CTIF: variants seen among roughly 807,000 people sequenced by gnomAD.
CTIF encodes the protein cap binding complex dependent translation initiation factor.
CTIF carries 21 observed loss-of-function variants against 66.0 expected under a neutral mutation model. The observed-to-expected ratio is 0.32, with a 90% CI of 0.23 to 0.46. The LOEUF is 0.46. CTIF is among the 20% of genes least tolerant of loss of function. CTIF has a pLI of 1.00. For synonymous variants in CTIF, 345 were observed against 326.4 expected (o/e 1.06, Z -0.62); for missense variants, 739 against 812.7 (o/e 0.91, Z 1.10).
At position 48,770,323 on chromosome 18, in the gene CTIF, TGCCACTGCGCCACTGC is replaced by T. The variant is rs531665209; in HGVS notation, c.1371+8641_1371+8656del. 8.9e-4 allele frequency among the ~76,000 whole-genome samples: 136 copies of T among 152,252 alleles called. No individual in the cohort carries two copies. The South Asian group carries it at 9.5e-3, about 11-fold the overall frequency. ...CTGCCTCTTTGCCACTGCGCCACTG[TGCCACTGCGCCACTGC>T]GCCACTACTGTGTTCTTCAAAATCA... is the stretch of plus-strand genomic sequence containing the variant. On this transcript the variant is annotated intron_variant, in intron 9 of 11. Transcript: ENST00000256413.
chr18:48,783,675 C>T (rs1379962258), intron 9 of CTIF, among the ~76,000 whole-genome samples: 2 of 152,166 alleles, frequency 1.3e-5, no homozygotes, highest in Admixed American at 6.5e-5. Context: ...GGGATTTCCA[C>T]CCCACCCCAC....
chr18:48,590,120 G>A lies in CTIF; in HGVS notation c.-28-29418G>A, dbSNP rs143634469. Among the ~76,000 whole-genome samples, 502 of 152,342 alleles carry A rather than the reference G, an allele frequency of 3.3e-3. 1 individual carries two copies. Among genetic ancestry groups the A allele is most frequent in the Non-Finnish European group, 3.2e-3 (217 of 68,036 alleles). On this transcript the variant is annotated intron_variant, in intron 1 of 11. Coordinates refer to ENST00000256413, the MANE Select transcript of CTIF (RefSeq NM_014772.3). ...TTGTGGATCAGCATTTCAGGGGTGC[G>A]GGGGCGTGGTGGTATGCGAGTCCAT...
chr18:48,838,405 G>A (rs1030069677), intron 10 of CTIF, among the ~76,000 whole-genome samples: 3 of 152,062 alleles, frequency 2.0e-5, no homozygotes, highest in African/African-American at 7.2e-5. Context: ...GCCTCTCGGT[G>A]CAGTGGCCGC....
At chr18:48,549,463 G>A (rs1048321597) in intron 1 of CTIF, among the ~76,000 whole-genome samples, 2 of 152,196 alleles carry the variant, frequency 1.3e-5, no homozygotes, top group African/African-American at 4.8e-5. Flanking sequence ...TCTAAAGGTA[G>A]GAGCTCTAGG....
intron 1 of CTIF, among the ~76,000 whole-genome samples, chr18:48,595,794 G>A (rs1019128063): frequency 2.6e-5 from 4 of 152,226 alleles, no homozygotes; most frequent in South Asian, 4.2e-4. Context: ...GGATCTCTCC[G>A]AGGCTGCAAT....
In CTIF at chr18:48,860,678, G is replaced by C. The variant is rs900425949; in HGVS notation, c.*1119G>C. The C allele has an allele frequency of 6.6e-6, 1 of 152,276 alleles. No individual in the cohort carries two copies. Among genetic ancestry groups the C allele is most frequent in the East Asian group, 1.9e-4 (1 of 5,202 alleles). The allele number at this position is 152,276 out of a possible 1,614,324, so 9.4% of individuals were successfully genotyped here. ...TCTTACTGGGGAAAAGGATGGGAGT[G>C]GGGGCTCCCCAGGACTCGATTTTAG... On this transcript the variant is annotated 3_prime_UTR_variant, in exon 12 of 12. Coordinates refer to ENST00000256413, the MANE Select transcript of CTIF (RefSeq NM_014772.3).
chr18:48,668,982 G>A (rs771238832), intron 5 of CTIF, among the ~76,000 whole-genome samples: 10 of 152,158 alleles, frequency 6.6e-5, no homozygotes, highest in Non-Finnish European at 1.0e-4. Context: ...TGGGGCTTGG[G>A]TTAGCCCCCT....
chr18:48,804,239 CTT>C (rs2068099757), intron 9 of CTIF, among the ~76,000 whole-genome samples: 1 of 152,228 alleles, frequency 6.6e-6, no homozygotes, highest in South Asian at 2.1e-4. Context: ...CTCAAGCAAA[CTT>C]GTCCCAGGGC....
At position 48,861,916 on chromosome 18, in the gene CTIF, C is replaced by T. The variant is rs2069478469; in HGVS notation, c.*2357C>T. 1 of 152,162 alleles carries T rather than the reference C, an allele frequency of 6.6e-6. No homozygotes were observed. The allele number at this position is 152,162 out of a possible 1,614,324, so 9.4% of individuals were successfully genotyped here. ...ATTACATGTCGTGTCACGGTGGCTC[C>T]AGACATACTGTTTGCCTAGTTTATT... On this transcript the variant is annotated 3_prime_UTR_variant, in exon 12 of 12. Coordinates refer to ENST00000256413, the MANE Select transcript of CTIF (RefSeq NM_014772.3).
intron 7 of CTIF, among the ~76,000 whole-genome samples, chr18:48,736,131 C>A (rs1385200884): frequency 1.3e-5 from 2 of 152,218 alleles, no homozygotes; most frequent in African/African-American, 4.8e-5. Context: ...CCTCTTCTTT[C>A]TTCCAAGATA....
chr18:48,785,295 G>A (rs2146088724), intron 9 of CTIF, among the ~76,000 whole-genome samples: 1 of 152,334 alleles, frequency 6.6e-6, no homozygotes, highest in Non-Finnish European at 1.5e-5. Flanking sequence ...AGCTGTGGTT[G>A]CTCTAAGTGG....
intron 1 of CTIF, among the ~76,000 whole-genome samples, chr18:48,573,969 G>A (rs774451068): frequency 3.9e-5 from 6 of 152,234 alleles, no homozygotes; most frequent in Non-Finnish European, 8.8e-5. Context: ...CGCATCCCCA[G>A]CAGTGCTTGG....
At chr18:48,754,862 T>A (rs868667766) in intron 7 of CTIF, among the ~76,000 whole-genome samples, 3 of 152,326 alleles carry the variant, frequency 2.0e-5, no homozygotes, top group Middle Eastern at 3.4e-3. Context: ...CCTCCAGATT[T>A]CCAGGAATGA....
At chr18:48,593,528 C>T (rs1018642206) in intron 1 of CTIF, among the ~76,000 whole-genome samples, 5 of 151,750 alleles carry the variant, frequency 3.3e-5, no homozygotes, top group South Asian at 2.1e-4. Context: ...ACTACAGGCG[C>T]CTGCCACAAT....
chr18:48,548,108 A>G (rs986605817), intron 1 of CTIF, among the ~76,000 whole-genome samples: 7 of 152,152 alleles, frequency 4.6e-5, no homozygotes, highest in African/African-American at 1.2e-4. Flanking sequence ...AGAGGCAGAG[A>G]TATGGTAATG....
intron 9 of CTIF, among the ~76,000 whole-genome samples, chr18:48,804,755 G>A (rs556086586): frequency 6.6e-6 from 1 of 152,120 alleles, no homozygotes; most frequent in Non-Finnish European, 1.5e-5. Context: ...CTGCCACCCA[G>A]GACCCGGGCA....
At chr18:48,825,799 C>T (rs2146399548) in intron 10 of CTIF, among the ~76,000 whole-genome samples, 1 of 152,358 alleles carries the variant, frequency 6.6e-6, no homozygotes, top group South Asian at 2.1e-4. Flanking sequence ...AGCCCTGCAA[C>T]TTGAGAAGCT....
At chr18:48,745,073 C>G (rs1010422936) in intron 7 of CTIF, among the ~76,000 whole-genome samples, 7 of 152,200 alleles carry the variant, frequency 4.6e-5, no homozygotes, top group African/African-American at 1.4e-4. Context: ...CCGCCTGCCT[C>G]GGCCTCCCAA....
intron 1 of CTIF, among the ~76,000 whole-genome samples, chr18:48,598,101 G>C (rs1255880281): frequency 6.6e-6 from 1 of 152,214 alleles, no homozygotes. Context: ...TCCAGACTCT[G>C]AAACAGTGGG....
Sources: allele counts gnomAD v4.1 joint callset (sites outside exome capture counted in the v4.1 genomes callset), GRCh38; gene constraint gnomAD v4.1.1; transcripts MANE v1.5; gene names NCBI Gene and HGNC (gene_info 2026-07-23, HGNC 2026-07-21).